The following SIRT4 variants were observed in gnomAD, a reference collection of about 807,000 sequenced individuals.
SIRT4 encodes the protein sirtuin 4.
Under a neutral mutation model 26.1 loss-of-function variants are expected in SIRT4, and 23 were observed. That is an observed-to-expected ratio of 0.88 (90% CI 0.63 to 1.25). SIRT4 has a LOEUF of 1.25. SIRT4 is among the 50% of genes most tolerant of loss of function. The probability of loss-of-function intolerance (pLI) is 0.00; values close to 1 mark genes in which losing one functional copy is unlikely to be tolerated. For missense variants in SIRT4, 361 were observed against 405.4 expected (o/e 0.89, Z 0.94); for synonymous variants, 155 against 158.4 (o/e 0.98, Z 0.16).
chr12:120,299,492 C>T (rs1384224966), upstream of SIRT4, among the ~76,000 whole-genome samples: 1 of 146,514 alleles, frequency 6.8e-6, no homozygotes. Flanking sequence ...GCAGAGGCTT[C>T]AGTGAGTGAA....
chr12:120,301,157 T>C (rs865830994), upstream of SIRT4, among the ~76,000 whole-genome samples: 9 of 152,066 alleles, frequency 5.9e-5, no homozygotes, highest in East Asian at 3.9e-4. Context: ...CCATCCTGGC[T>C]AACATGGTGA....
At chr12:120,298,943 A>ATAAATAAATAGC (rs770178624), upstream of SIRT4, among the ~76,000 whole-genome samples, 1 of 124,048 alleles carries the variant, frequency 8.1e-6, no homozygotes, top group Non-Finnish European at 1.7e-5. Flanking sequence ...AAATAAATAA[A>ATAAATAAATAGC]TAGCCGGGCG....
At chr12:120,296,519 T>C in the SIRT4 span, among the ~76,000 whole-genome samples, 1 of 148,158 alleles carries the variant, frequency 6.7e-6, no homozygotes, top group Admixed American at 6.7e-5. Flanking sequence ...TTTTTTTGTT[T>C]TTTTTTTTTT....
chr12:120,291,899 A>G, the SIRT4 span: 4 of 152,208 alleles, frequency 2.6e-5, no homozygotes, highest in Admixed American at 6.6e-5. Flanking sequence ...CCACTGCGCA[A>G]AGCTGGAAAG....
chr12:120,299,992 C>T (rs1872485978), upstream of SIRT4, among the ~76,000 whole-genome samples: 1 of 151,988 alleles, frequency 6.6e-6, no homozygotes, highest in South Asian at 2.1e-4. Flanking sequence ...GCTGCCAAGT[C>T]GAAATAAGCA....
upstream of SIRT4, among the ~76,000 whole-genome samples, chr12:120,300,677 G>T (rs1264385572): frequency 6.6e-6 from 1 of 152,042 alleles, no homozygotes; most frequent in Admixed American, 6.6e-5. Flanking sequence ...TGAACTTTTG[G>T]GCTCAAGTGA....
At chr12:120,292,263 G>C in the SIRT4 span, among the ~76,000 whole-genome samples, 1 of 152,122 alleles carries the variant, frequency 6.6e-6, no homozygotes, top group Non-Finnish European at 1.5e-5. Flanking sequence ...ACAGCAGGGT[G>C]GGGGGAGTTG....
upstream of SIRT4, among the ~76,000 whole-genome samples, chr12:120,300,728 G>A (rs1216336137): frequency 2.6e-5 from 4 of 152,114 alleles, no homozygotes; most frequent in Non-Finnish European, 5.9e-5. Context: ...TATTACAGGT[G>A]GGAACCACTG....
At chr12:120,293,893 G>C in the SIRT4 span, among the ~76,000 whole-genome samples, 1 of 151,822 alleles carries the variant, frequency 6.6e-6, no homozygotes, top group Non-Finnish European at 1.5e-5. Flanking sequence ...TTGTCCTTGA[G>C]GTCAGTCTTA....
rs375186455 is a variant in SIRT4 at position 120,303,773 on chromosome 12, T to A, written c.212T>A (p.Ile71Lys). ...GCAGGAATCTCCACCGAATCGGGGATACCAGACTACAGGTCAGAAAAAGTG... is the reference window on the plus strand; with the variant it reads ...GCAGGAATCTCCACCGAATCGGGGAAACCAGACTACAGGTCAGAAAAAGTG... Reference protein sequence around the residue: ...TGAGISTESGIPDYRSEKVGL... With the variant: ...TGAGISTESGKPDYRSEKVGL... The change falls in exon 2 of 4, where the codon ATA becomes AAA. Residue 71 changes from isoleucine to lysine, a missense_variant. By Grantham distance (102) the Ile-to-Lys change is moderately radical. Coordinates refer to ENST00000202967, the MANE Select transcript of SIRT4 (RefSeq NM_012240.3). 3.1e-6 allele frequency: 5 copies of A among 1,614,142 alleles called. No individual in the cohort carries two copies. The highest frequency in any genetic ancestry group is 4.2e-6 in the Non-Finnish European group (5 of 1,180,024).
In SIRT4 at chr12:120,312,496, G is replaced by T; in HGVS notation, c.538G>T (p.Val180Leu). The change falls in exon 3 of 4, where the codon GTG (valine) becomes TTG (leucine). Residue 180 changes from valine (V) to leucine (L), a missense_variant. Physicochemically the swap from Val to Leu is conservative, Grantham distance 32. Coordinates refer to ENST00000202967, the MANE Select transcript of SIRT4 (RefSeq NM_012240.3). ...LDCGEQTPRG[V>L]LQERFQVLNP... Reference sequence around the variant, plus strand: ...TTGTGGGGAACAGACTCCCCGGGGGGTGCTGCAAGAGCGTTTCCAAGTCCT... The same window carrying T: ...TTGTGGGGAACAGACTCCCCGGGGGTTGCTGCAAGAGCGTTTCCAAGTCCT... The T allele has an allele frequency of 6.2e-7, 1 of 1,614,016 alleles. No individual in the cohort carries two copies. Among genetic ancestry groups the T allele is most frequent in the Non-Finnish European group, 8.5e-7 (1 of 1,179,990 alleles).
At chr12:120,296,154 T>C in the SIRT4 span, among the ~76,000 whole-genome samples, 1 of 148,350 alleles carries the variant, frequency 6.7e-6, no homozygotes, top group Non-Finnish European at 1.5e-5. Flanking sequence ...TAAAAAATTG[T>C]AAACACGAAA....
At chr12:120,297,217 C>T in the SIRT4 span, among the ~76,000 whole-genome samples, 5 of 148,204 alleles carry the variant, frequency 3.4e-5, no homozygotes, top group Non-Finnish European at 5.9e-5. Flanking sequence ...AGCGAGACTC[C>T]GTCTCAAAAT....
Position 120,313,133 on chromosome 12 carries a change from T to C in SIRT4, c.*97T>C. 7.1e-7 allele frequency: 1 copy of C among 1,407,766 alleles called. No homozygotes were observed. The highest frequency in any genetic ancestry group is 1.4e-5 in the African/African-American group (1 of 71,032). 87.2% of individuals were successfully genotyped at this position (1,407,766 alleles called of 1,614,324 possible). A position where few individuals can be genotyped will look rare whatever the true frequency, so the allele number is the denominator to read the frequency against. On this transcript the variant is annotated 3_prime_UTR_variant, in exon 4 of 4. Transcript: ENST00000202967. The stretch of plus-strand genomic sequence containing the variant: ...CTCAAATGACAGATTCCAGTTCCCA[T>C]TCAACAGAGTAGGGTGCACTGACAA...
upstream of SIRT4, among the ~76,000 whole-genome samples, chr12:120,299,597 T>C (rs983926096): frequency 1.3e-5 from 2 of 151,422 alleles, no homozygotes; most frequent in Non-Finnish European, 2.9e-5. Context: ...CAAGTCTTAC[T>C]GAGGATTACA....
intron 2 of SIRT4, among the ~76,000 whole-genome samples, chr12:120,308,077 G>A (rs966362412): frequency 6.6e-6 from 1 of 150,734 alleles, no homozygotes; most frequent in Non-Finnish European, 1.5e-5. Flanking sequence ...GTCTGGTCTC[G>A]AACTCCTAAG....
intron 2 of SIRT4, among the ~76,000 whole-genome samples, chr12:120,307,233 A>G (rs1872775112): frequency 6.6e-6 from 1 of 152,130 alleles, no homozygotes; most frequent in Admixed American, 6.6e-5. Flanking sequence ...GCTCACACCT[A>G]TAATCCCAGC....
rs576756781 is a variant in SIRT4, at chr12:120,303,597, A to C, written c.36A>C (p.Ala12=). 6.2e-7 allele frequency: 1 copy of C among 1,613,894 alleles called. No individual in the cohort carries two copies. The highest frequency in any genetic ancestry group is 1.3e-5 in the African/African-American group (1 of 74,998). The part of the protein sequence containing the change: ...KMSFALTFRS[A]KGRWIANPSQ... ...GCTTTGCGTTGACTTTCAGGTCAGCAAAAGGCCGTTGGATCGCAAACCCCA... is the reference window on the plus strand; with the variant it reads ...GCTTTGCGTTGACTTTCAGGTCAGCCAAAGGCCGTTGGATCGCAAACCCCA... The change falls in exon 2 of 4, where the codon GCA becomes GCC. Residue 12 remains alanine (A), a synonymous_variant. Coordinates refer to ENST00000202967, the MANE Select transcript of SIRT4 (RefSeq NM_012240.3).
At chr12:120,298,597 TA>T (rs1191112086), upstream of SIRT4, among the ~76,000 whole-genome samples, 1 of 151,416 alleles carries the variant, frequency 6.6e-6, no homozygotes, top group Non-Finnish European at 1.5e-5. Flanking sequence ...GTCCCCAAAA[TA>T]AAAAAATAAG....
Sources: gnomAD v4.1 joint callset for allele counts (sites outside exome capture counted in the v4.1 genomes callset) on GRCh38, gnomAD v4.1.1 for gene constraint, MANE v1.5 for transcripts, NCBI Gene and HGNC (gene_info 2026-07-23, HGNC 2026-07-21) for gene names.